The following ESRRG variants were observed in gnomAD, a reference collection of about 807,000 sequenced individuals.
The protein encoded by ESRRG is estrogen-related receptor gamma.
A neutral mutation model predicts 44.0 loss-of-function variants in ESRRG; 13 were observed. That is an observed-to-expected ratio of 0.30 (90% CI 0.19 to 0.47). The LOEUF (loss-of-function observed/expected upper bound fraction) is 0.47, where lower values mean the gene tolerates loss of function less well. Ranked by LOEUF, ESRRG falls within the 20% of genes least tolerant of loss-of-function variation. ESRRG has a pLI of 1.00. For missense variants in ESRRG, 395 were observed against 580.6 expected (o/e 0.68, Z 3.29); for synonymous variants, 215 against 214.6 (o/e 1.00, Z -0.02).
chr1:217,052,192 G>A (rs1473881076), intron 1 of ESRRG, among the ~76,000 whole-genome samples: 1 of 152,188 alleles, frequency 6.6e-6, no homozygotes, highest in Non-Finnish European at 1.5e-5. Context: ...GACATACTAA[G>A]AATGCAAAAT....
intron 1 of ESRRG, among the ~76,000 whole-genome samples, chr1:217,072,216 C>T (rs1481275042): frequency 6.6e-6 from 1 of 152,212 alleles, no homozygotes; most frequent in Admixed American, 6.5e-5. Flanking sequence ...TCTCTGTCAT[C>T]ACCACCACAG....
At chr1:216,735,987 A>AAAAAAAAAATAT (rs1453476198) in intron 2 of ESRRG, among the ~76,000 whole-genome samples, 248 of 137,094 alleles carry the variant, frequency 1.8e-3, no homozygotes, top group Non-Finnish European at 2.7e-3. Context: ...CTCAAAAAAA[A>AAAAAAAAAATAT]ATATATATAT....
intron 2 of ESRRG, among the ~76,000 whole-genome samples, chr1:216,927,646 T>A (rs1287075751): frequency 6.6e-6 from 1 of 152,244 alleles, no homozygotes; most frequent in African/African-American, 2.4e-5. Context: ...TTGAGCTTGA[T>A]GGCTAAGGCA....
intron 2 of ESRRG, among the ~76,000 whole-genome samples, chr1:216,798,556 G>A (rs2148247778): frequency 6.6e-6 from 1 of 152,294 alleles, no homozygotes; most frequent in African/African-American, 2.4e-5. Context: ...CAGCAGGGCA[G>A]TGTCATGACC....
intron 2 of ESRRG, among the ~76,000 whole-genome samples, chr1:216,814,286 G>C (rs1227587133): frequency 6.6e-6 from 1 of 152,054 alleles, no homozygotes; most frequent in Non-Finnish European, 1.5e-5. Context: ...TTATTTTTGG[G>C]GTGGAAGAGA....
At chr1:216,731,515 A>G (rs1362358809) in intron 2 of ESRRG, among the ~76,000 whole-genome samples, 1 of 152,244 alleles carries the variant, frequency 6.6e-6, no homozygotes, top group Non-Finnish European at 1.5e-5. Flanking sequence ...TGATGAGAAC[A>G]TATCACATTC....
chr1:217,054,238 A>G (rs966897035), intron 1 of ESRRG, among the ~76,000 whole-genome samples: 2 of 152,178 alleles, frequency 1.3e-5, no homozygotes, highest in Admixed American at 6.5e-5. Flanking sequence ...CTTGACAGCC[A>G]GATTAGAGAT....
At chr1:217,086,496 A>C (rs1387918077) in intron 1 of ESRRG, among the ~76,000 whole-genome samples, 1 of 152,236 alleles carries the variant, frequency 6.6e-6, no homozygotes, top group Admixed American at 6.5e-5. Context: ...TGATGTGTAC[A>C]GAAAAAGACC....
chr1:216,765,302 A>G (rs1039167350), intron 2 of ESRRG, among the ~76,000 whole-genome samples: 2 of 152,082 alleles, frequency 1.3e-5, no homozygotes, highest in African/African-American at 4.8e-5. Flanking sequence ...AACAATAATA[A>G]TGATGATAAT....
At chr1:217,111,686 C>A (rs758412450) in intron 1 of ESRRG, among the ~76,000 whole-genome samples, 111 of 152,260 alleles carry the variant, frequency 7.3e-4, no homozygotes, top group Admixed American at 1.7e-3. Flanking sequence ...TGAAACATCT[C>A]CCAAATTTTC....
At chr1:216,816,592 A>G (rs1542001) in intron 2 of ESRRG, among the ~76,000 whole-genome samples, 142,357 of 152,260 alleles carry the variant, frequency 0.93, 66,704 homozygotes, top group Middle Eastern at 0.98. Context: ...TCTGGAATAG[A>G]GTTGCAAATG....
In ESRRG at chr1:216,636,279, A is replaced by G. The variant is rs371386368; in HGVS notation, c.589+14694T>C. Reference sequence around the variant, plus strand: ...AACCTGTAACTTTGTAAGATATTATACTACTTACTGAAATTTTGCAATGGG... The same window carrying G: ...AACCTGTAACTTTGTAAGATATTATGCTACTTACTGAAATTTTGCAATGGG... On this transcript the variant is annotated intron_variant, in intron 3 of 6. Transcript: ENST00000408911. 2.0e-5 allele frequency among the ~76,000 whole-genome samples: 3 copies of G among 152,240 alleles called. No homozygotes were observed. The East Asian group carries it at 5.8e-4, about 29-fold the overall frequency.
chr1:217,086,587 C>T (rs933768525), intron 1 of ESRRG, among the ~76,000 whole-genome samples: 2 of 152,160 alleles, frequency 1.3e-5, no homozygotes, highest in Non-Finnish European at 2.9e-5. Flanking sequence ...GTTTACAATG[C>T]AGCCAATTTA....
At chr1:216,784,434 A>G (rs1447263801) in intron 2 of ESRRG, among the ~76,000 whole-genome samples, 1 of 152,056 alleles carries the variant, frequency 6.6e-6, no homozygotes, top group Admixed American at 6.6e-5. Context: ...ATCCTTATAT[A>G]CTTTATTTCT....
At chr1:216,816,027 T>C (rs946154635) in intron 2 of ESRRG, among the ~76,000 whole-genome samples, 15 of 152,202 alleles carry the variant, frequency 9.9e-5, no homozygotes, top group African/African-American at 3.4e-4. Flanking sequence ...GGAACAACGC[T>C]GCAGCTCCTC....
chr1:216,736,997 GT>G (rs1407608839), intron 2 of ESRRG, among the ~76,000 whole-genome samples: 3 of 152,004 alleles, frequency 2.0e-5, no homozygotes, highest in African/African-American at 7.2e-5. Flanking sequence ...CAGCCCCTAC[GT>G]TTTTTAAACT....
intron 2 of ESRRG, among the ~76,000 whole-genome samples, chr1:216,913,383 G>T (rs1282145483): frequency 6.6e-6 from 1 of 151,932 alleles, no homozygotes. Context: ...TCGGTCGGGG[G>T]TGGGGGTGGC....
chr1:217,088,398 C>CTTTTTTTTTTTTTTTT (rs71585811), intron 1 of ESRRG, among the ~76,000 whole-genome samples: 1 of 59,738 alleles, frequency 1.7e-5, no homozygotes, highest in African/African-American at 7.3e-5. Flanking sequence ...TTTTTCCTGT[C>CTTTTTTTTTTTTTTTT]TTTTTTTTTT....
At chr1:216,688,280 C>A (rs1253235958) in intron 1 of ESRRG, among the ~76,000 whole-genome samples, 1 of 152,128 alleles carries the variant, frequency 6.6e-6, no homozygotes, top group Non-Finnish European at 1.5e-5. Flanking sequence ...AGATCAAATT[C>A]TCGAAATTGG....
Sources: gnomAD v4.1 joint callset for allele counts (sites outside exome capture counted in the v4.1 genomes callset) on GRCh38, gnomAD v4.1.1 for gene constraint, MANE v1.5 for transcripts, NCBI Gene and HGNC (gene_info 2026-07-23, HGNC 2026-07-21) for gene names.